Variants in SIRT1 observed in about 807,000 individuals in gnomAD.
SIRT1 encodes the protein sirtuin 1.
SIRT1 carries 24 observed loss-of-function variants against 67.9 expected under a neutral mutation model. The ratio of observed to expected loss-of-function variants is 0.35; its 90% CI spans 0.26 to 0.50. The LOEUF (loss-of-function observed/expected upper bound fraction) is 0.50. Among genes scored for constraint, SIRT1 ranks in the 20% least tolerant of loss-of-function variants. The pLI, the probability that SIRT1 is intolerant of heterozygous loss-of-function variation, is 0.98. For missense variants in SIRT1, 873 were observed against 937.2 expected (o/e 0.93, Z 0.89); for synonymous variants, 378 against 350.7 (o/e 1.08, Z -0.87).
chr10:67,887,478 G>A lies in SIRT1; in HGVS notation c.492G>A (p.Glu164=). ...GTTTTCATTCCTGTGAAAGTGATGA[G>A]GAGGATAGAGCCTCACATGCAAGCT... is the stretch of plus-strand genomic sequence containing the variant. ...TNGFHSCESD[E]EDRASHASSS... is the part of the protein sequence containing the mutation. Residue 164 remains glutamate (E), a synonymous_variant, in exon 2 of 9, where the codon GAG becomes GAA. Transcript: ENST00000212015. The A allele has an allele frequency of 6.2e-7, 1 of 1,613,856 alleles. No homozygotes were observed. Among genetic ancestry groups the A allele is most frequent in the Non-Finnish European group, 8.5e-7 (1 of 1,179,802 alleles).
chr10:67,885,846 T>C (rs889100033), intron 1 of SIRT1, among the ~76,000 whole-genome samples: 1 of 152,110 alleles, frequency 6.6e-6, no homozygotes, highest in Non-Finnish European at 1.5e-5. Flanking sequence ...GGGCTAAACA[T>C]GCTTTTTTTG....
At chr10:67,895,017 C>T (rs530093518) in intron 4 of SIRT1, among the ~76,000 whole-genome samples, 1 of 150,506 alleles carries the variant, frequency 6.6e-6, no homozygotes, top group East Asian at 2.0e-4. Context: ...TTTTGCTTTT[C>T]TGAGTTTTCA....
At chr10:67,907,979 G>A in intron 5 of SIRT1, 67 bp from the exon 6 acceptor site, 7 of 1,325,278 alleles carry the variant, frequency 5.3e-6, no homozygotes, top group South Asian at 3.8e-5. Flanking sequence ...ACTTTATAAC[G>A]TTTGTGGTGT....
chr10:67,897,983 T>C (rs1842684815), intron 4 of SIRT1, among the ~76,000 whole-genome samples: 1 of 145,696 alleles, frequency 6.9e-6, no homozygotes, highest in Admixed American at 6.9e-5. Context: ...AGTAGGACTG[T>C]TGTTCGGCTG....
intron 4 of SIRT1, among the ~76,000 whole-genome samples, chr10:67,905,439 C>T (rs1049968929): frequency 6.6e-6 from 1 of 152,158 alleles, no homozygotes; most frequent in Non-Finnish European, 1.5e-5. Flanking sequence ...TCTAAGGCAA[C>T]GTTTTTGGAT....
In SIRT1 at chr10:67,912,687, TGTC is replaced by T. The variant is rs1564894185; in HGVS notation, c.1572_1574del (p.Ser525del). On this transcript the variant is annotated inframe_deletion, in exon 8 of 9. Transcript: ENST00000212015. ...CGAACACAAAAAGAATTGGCTTATT[TGTC>T]AGAGTTGCCACCCACACCTCTTCAT... is the stretch of plus-strand genomic sequence containing the variant. 1 of 1,614,152 alleles carries T rather than the reference TGTC, an allele frequency of 6.2e-7. No individual in the cohort carries two copies. Among genetic ancestry groups the T allele is most frequent in the Non-Finnish European group, 8.5e-7 (1 of 1,180,018 alleles).
At chr10:67,903,132 G>C (rs368305956) in intron 4 of SIRT1, among the ~76,000 whole-genome samples, 1 of 152,134 alleles carries the variant, frequency 6.6e-6, no homozygotes, top group South Asian at 2.1e-4. Flanking sequence ...GTGCGGGCTG[G>C]AGTGTAGTGC....
intron 8 of SIRT1, among the ~76,000 whole-genome samples, chr10:67,914,261 G>T (rs959602080): frequency 6.6e-6 from 1 of 151,784 alleles, no homozygotes; most frequent in African/African-American, 2.4e-5. Context: ...TAGTAGAGAC[G>T]GGGTTTCGCC....
At chr10:67,908,013 T>C (rs1176395825) in intron 5 of SIRT1, 33 bp from the exon 6 acceptor site, 2 of 1,553,160 alleles carry the variant, frequency 1.3e-6, no homozygotes, top group East Asian at 2.3e-5. Flanking sequence ...AAATACTTCT[T>C]TAATAAAGCA....
At chr10:67,907,669 T>G (rs1301407168) in intron 5 of SIRT1, among the ~76,000 whole-genome samples, 1 of 152,114 alleles carries the variant, frequency 6.6e-6, no homozygotes, top group Non-Finnish European at 1.5e-5. Flanking sequence ...GTATCTAAAG[T>G]GTTTCTAAGA....
intron 4 of SIRT1, chr10:67,906,106 G>C (rs1170568430): frequency 1.6e-6 from 2 of 1,267,196 alleles, no homozygotes; most frequent in Non-Finnish European, 2.0e-6. Flanking sequence ...GACCAAAATT[G>C]ATACTTTTTC....
At chr10:67,903,221 A>C (rs1321418127) in intron 4 of SIRT1, among the ~76,000 whole-genome samples, 1 of 152,188 alleles carries the variant, frequency 6.6e-6, no homozygotes, top group Non-Finnish European at 1.5e-5. Context: ...CTGTCTCCCC[A>C]GTAGCAGGAA....
intron 4 of SIRT1, chr10:67,906,341 T>A (rs911399786): frequency 1.3e-6 from 2 of 1,516,246 alleles, no homozygotes; most frequent in African/African-American, 2.8e-5. Flanking sequence ...TTCTAATGAA[T>A]GATAAATCAA....
chr10:67,893,096 T>C (rs554282888), intron 4 of SIRT1, among the ~76,000 whole-genome samples: 22 of 152,378 alleles, frequency 1.4e-4, no homozygotes, highest in Admixed American at 5.2e-4. Context: ...AAATTTGTTA[T>C]TGTTAAACTT....
intron 1 of SIRT1, among the ~76,000 whole-genome samples, chr10:67,885,982 T>G (rs1378591736): frequency 7.0e-6 from 1 of 143,620 alleles, no homozygotes; most frequent in African/African-American, 2.6e-5. Context: ...AGTCTCGCTC[T>G]GTCGCTAGGC....
intron 5 of SIRT1, 140 bp downstream of exon 5, chr10:67,907,077 A>T: frequency 2.7e-6 from 2 of 732,462 alleles, no homozygotes; most frequent in Non-Finnish European, 4.1e-6. Flanking sequence ...ACCTCAGAAA[A>T]GTAGAAAACA....
chr10:67,906,455 A>G (rs1014424886), intron 4 of SIRT1, among the ~76,000 whole-genome samples: 16 of 152,128 alleles, frequency 1.1e-4, no homozygotes, highest in African/African-American at 3.9e-4. Flanking sequence ...TTCTTTAAAG[A>G]AAAAAATCTG....
intron 4 of SIRT1, among the ~76,000 whole-genome samples, chr10:67,902,364 C>CG (rs1329162034): frequency 2.6e-5 from 4 of 152,172 alleles, no homozygotes; most frequent in Non-Finnish European, 5.9e-5. Flanking sequence ...ATCCCACCTC[C>CG]ACCCCCTGCT....
intron 3 of SIRT1, 110 bp downstream of exon 3, chr10:67,889,233 G>T (rs1184990909): frequency 1.6e-6 from 2 of 1,270,432 alleles, no homozygotes; most frequent in Non-Finnish European, 2.1e-6. Flanking sequence ...GATAATGGAT[G>T]TTTGGGAACT....
Sources: gnomAD v4.1 joint callset for allele counts (sites outside exome capture counted in the v4.1 genomes callset) on GRCh38, gnomAD v4.1.1 for gene constraint, MANE v1.5 for transcripts, NCBI Gene and HGNC (gene_info 2026-07-23, HGNC 2026-07-21) for gene names.